The following RAB38 variants were observed in gnomAD, a reference collection of about 807,000 sequenced individuals.
RAB38 encodes the protein RAB38, member RAS oncogene family, also known as ras-related protein Rab-38.
RAB38 carries 15 observed loss-of-function variants against 18.4 expected under a neutral mutation model. That is an observed-to-expected ratio of 0.82 (90% CI 0.55 to 1.26). The LOEUF (loss-of-function observed/expected upper bound fraction) is 1.26. Among genes scored for constraint, RAB38 ranks in the 50% most tolerant of loss-of-function variants. The pLI is 0.00. For missense variants in RAB38, 294 were observed against 267.4 expected, an observed-to-expected ratio of 1.10 and a Z score of -0.69; for synonymous variants, 101 against 104.4, an observed-to-expected ratio of 0.97 and a Z score of 0.20.
chr11:87,824,661 G>A, the RAB38 span, among the ~76,000 whole-genome samples: 1 of 151,954 alleles, frequency 6.6e-6, no homozygotes, highest in Non-Finnish European at 1.5e-5. Flanking sequence ...TTACATAGAA[G>A]AATTGAAAGA....
At chr11:87,903,131 T>C in the RAB38 span, among the ~76,000 whole-genome samples, 1 of 151,406 alleles carries the variant, frequency 6.6e-6, no homozygotes, top group African/African-American at 2.4e-5. Flanking sequence ...GTGGTGAGAA[T>C]AGACATTCTT....
chr11:87,834,948 A>T, the RAB38 span, among the ~76,000 whole-genome samples: 4 of 152,342 alleles, frequency 2.6e-5, no homozygotes, highest in Admixed American at 2.6e-4. Flanking sequence ...GAAACTTGTC[A>T]ATGTGTCTGG....
At chr11:88,144,846 A>G (rs911273129) in intron 2 of RAB38, among the ~76,000 whole-genome samples, 2 of 152,150 alleles carry the variant, frequency 1.3e-5, no homozygotes, top group African/African-American at 4.8e-5. Context: ...TGTCCCCACT[A>G]TTGCATAGGT....
At chr11:88,017,726 A>T in the RAB38 span, among the ~76,000 whole-genome samples, 6 of 140,388 alleles carry the variant, frequency 4.3e-5, no homozygotes, top group African/African-American at 1.4e-4. Context: ...AATATATATT[A>T]TATATATATA....
At chr11:87,822,716 T>C in the RAB38 span, among the ~76,000 whole-genome samples, 1 of 152,214 alleles carries the variant, frequency 6.6e-6, no homozygotes, top group African/African-American at 2.4e-5. Flanking sequence ...TTTAGTTCAT[T>C]AGAAGTGAGT....
the RAB38 span, among the ~76,000 whole-genome samples, chr11:87,955,362 G>A: frequency 6.6e-6 from 1 of 152,170 alleles, no homozygotes; most frequent in Non-Finnish European, 1.5e-5. Context: ...ACTGGAGGCT[G>A]CTGGAAGCGG....
chr11:87,886,213 T>C, the RAB38 span, among the ~76,000 whole-genome samples: 2 of 151,944 alleles, frequency 1.3e-5, no homozygotes, highest in Non-Finnish European at 2.9e-5. Flanking sequence ...TCTCAAACTT[T>C]TTCTCATTCC....
At chr11:88,158,943 A>G in intron 1 of RAB38, among the ~76,000 whole-genome samples, 1 of 152,096 alleles carries the variant, frequency 6.6e-6, no homozygotes, top group Non-Finnish European at 1.5e-5. Flanking sequence ...GAAAGAAATA[A>G]AAAAATCCAA....
the RAB38 span, among the ~76,000 whole-genome samples, chr11:87,884,782 T>G: frequency 6.6e-6 from 1 of 151,912 alleles, no homozygotes; most frequent in Non-Finnish European, 1.5e-5. Flanking sequence ...GCACTTCCAT[T>G]TTATCATGAC....
chr11:87,818,375 G>C, the RAB38 span, among the ~76,000 whole-genome samples: 8,215 of 152,146 alleles, frequency 0.054, 453 homozygotes, highest in African/African-American at 0.14. Context: ...TCCTGGTCCT[G>C]TGCAATAGGT....
intron 2 of RAB38, among the ~76,000 whole-genome samples, chr11:88,135,185 C>T (rs925948611): frequency 2.2e-4 from 33 of 152,176 alleles, no homozygotes; most frequent in African/African-American, 7.5e-4. Flanking sequence ...TTTTACTCCT[C>T]CCTATATCCC....
At chr11:87,876,191 C>T in the RAB38 span, among the ~76,000 whole-genome samples, 1 of 151,540 alleles carries the variant, frequency 6.6e-6, no homozygotes, top group Admixed American at 6.6e-5. Context: ...CTGCAGGTAG[C>T]AGAATTGAGT....
At chr11:88,151,976 T>C (rs997430475) in intron 1 of RAB38, among the ~76,000 whole-genome samples, 1 of 152,230 alleles carries the variant, frequency 6.6e-6, no homozygotes, top group African/African-American at 2.4e-5. Flanking sequence ...CACAGTTGCC[T>C]AGTCAACGAA....
chr11:87,867,393 G>T, the RAB38 span, among the ~76,000 whole-genome samples: 34 of 151,712 alleles, frequency 2.2e-4, no homozygotes, highest in Non-Finnish European at 3.8e-4. Flanking sequence ...AAGAAGGAAA[G>T]AATCCATTGT....
At chr11:88,174,635 A>AC (rs1172718325) in intron 1 of RAB38, among the ~76,000 whole-genome samples, 46 of 149,516 alleles carry the variant, frequency 3.1e-4, no homozygotes, top group Non-Finnish European at 1.8e-4. Context: ...AAAAAAAAAA[A>AC]AAAAAACAAA....
the RAB38 span, among the ~76,000 whole-genome samples, chr11:87,807,816 A>G: frequency 6.6e-6 from 1 of 152,216 alleles, no homozygotes; most frequent in Non-Finnish European, 1.5e-5. Flanking sequence ...TAGTTCTGAT[A>G]GTATAGAAAA....
chr11:88,045,423 G>A, the RAB38 span, among the ~76,000 whole-genome samples: 1 of 152,288 alleles, frequency 6.6e-6, no homozygotes, highest in Admixed American at 6.5e-5. Flanking sequence ...AACTGCGGCG[G>A]CCAGGCATTC....
the RAB38 span, among the ~76,000 whole-genome samples, chr11:87,932,375 A>G: frequency 1.3e-5 from 2 of 152,026 alleles, no homozygotes; most frequent in Admixed American, 6.6e-5. Flanking sequence ...ACCAGAAGGG[A>G]GAGAAAAACC....
At chr11:87,937,119 G>A in the RAB38 span, among the ~76,000 whole-genome samples, 188 of 151,604 alleles carry the variant, frequency 1.2e-3, no homozygotes, top group African/African-American at 4.3e-3. Context: ...TGTTGTAGAT[G>A]TTCTTTCTTA....
Sources: allele counts gnomAD v4.1 joint callset (sites outside exome capture counted in the v4.1 genomes callset), GRCh38; gene constraint gnomAD v4.1.1; transcripts MANE v1.5; gene names NCBI Gene and HGNC (gene_info 2026-07-23, HGNC 2026-07-21).